The following GPD2 variants were observed in gnomAD, a reference collection of about 807,000 sequenced individuals.
The protein encoded by GPD2 is glycerol-3-phosphate dehydrogenase 2, also known as glycerol-3-phosphate dehydrogenase, mitochondrial.
A neutral mutation model predicts 82.4 loss-of-function variants in GPD2; 54 were observed. The ratio of observed to expected loss-of-function variants is 0.66; its 90% CI spans 0.53 to 0.82. The LOEUF is 0.82. GPD2 is among the 40% of genes least tolerant of loss of function. GPD2 has a pLI of 0.00. For synonymous variants in GPD2, 288 were observed against 306.1 expected, an observed-to-expected ratio of 0.94 and a Z score of 0.62; for missense variants, 748 against 896.2, an observed-to-expected ratio of 0.83 and a Z score of 2.11.
intron 1 of GPD2, among the ~76,000 whole-genome samples, chr2:156,447,710 GCTC>G (rs1682416791): frequency 6.6e-6 from 1 of 152,130 alleles, no homozygotes; most frequent in African/African-American, 2.4e-5. Flanking sequence ...CCATGATTCT[GCTC>G]ATTCTCTTTT....
intron 1 of GPD2, among the ~76,000 whole-genome samples, chr2:156,444,919 T>TA (rs895952409): frequency 5.3e-5 from 8 of 152,026 alleles, no homozygotes; most frequent in Admixed American, 2.0e-4. Flanking sequence ...CTGGCTAATT[T>TA]AAAAAAAATT....
At chr2:156,465,870 G>A (rs907343829) in intron 1 of GPD2, among the ~76,000 whole-genome samples, 4 of 152,092 alleles carry the variant, frequency 2.6e-5, no homozygotes, top group South Asian at 2.1e-4. Flanking sequence ...GTGTTTCATT[G>A]ATAACATTCC....
At chr2:156,436,112 GAGACC>G (rs1242606008), upstream of GPD2, among the ~76,000 whole-genome samples, 2 of 152,216 alleles carry the variant, frequency 1.3e-5, no homozygotes, top group African/African-American at 4.8e-5. Context: ...TTGGGCCACG[GAGACC>G]ACCTCGCTCG....
intron 2 of GPD2, among the ~76,000 whole-genome samples, chr2:156,481,032 T>C (rs1437615944): frequency 2.0e-5 from 3 of 151,952 alleles, no homozygotes; most frequent in Admixed American, 2.0e-4. Flanking sequence ...GTGCCATTCA[T>C]AAGCAACGGA....
chr2:156,429,476 G>T, the GPD2 span, among the ~76,000 whole-genome samples: 1 of 152,174 alleles, frequency 6.6e-6, no homozygotes, highest in Non-Finnish European at 1.5e-5. Context: ...AGTTTTCAGT[G>T]CTACCCTGTC....
chr2:156,494,070 A>G (rs1198687874), intron 2 of GPD2, among the ~76,000 whole-genome samples: 2 of 152,154 alleles, frequency 1.3e-5, no homozygotes, highest in African/African-American at 2.4e-5. Context: ...AAATGTATAT[A>G]AAGGTAAAAA....
chr2:156,436,040 G>T, upstream of GPD2, among the ~76,000 whole-genome samples: 1 of 152,224 alleles, frequency 6.6e-6, no homozygotes, highest in East Asian at 1.9e-4. Context: ...GAGGGCCCTT[G>T]CGTGTGGCGC....
rs556662304 is a variant in GPD2, at chr2:156,500,312, G to T, written c.274+4097G>T. On this transcript the variant is annotated intron_variant, in intron 3 of 16. Transcript: ENST00000438166. ...AGCATTTATAATTAAAATTTATAAAGAGATGGCTGAAGGTAATCTATATTT... is the reference window on the plus strand; with the variant it reads ...AGCATTTATAATTAAAATTTATAAATAGATGGCTGAAGGTAATCTATATTT... Among the ~76,000 whole-genome samples the T allele has an allele frequency of 2.6e-5, 4 of 152,170 alleles. No homozygotes were observed. In the South Asian group the frequency reaches 8.3e-4, roughly 32 times the overall value.
intron 6 of GPD2, among the ~76,000 whole-genome samples, chr2:156,518,930 G>A (rs1685295681): frequency 6.6e-6 from 1 of 152,200 alleles, no homozygotes; most frequent in South Asian, 2.1e-4. Flanking sequence ...GCTTCTTAAT[G>A]CAATTCTTGT....
intron 13 of GPD2, 90 bp from the exon 14 acceptor site, chr2:156,578,799 C>T: frequency 1.2e-6 from 1 of 806,562 alleles, no homozygotes; most frequent in Non-Finnish European, 2.2e-6. Context: ...TAAGGATCAA[C>T]TTCATTTTCT....
upstream of GPD2, among the ~76,000 whole-genome samples, chr2:156,434,466 A>G (rs1198528509): frequency 2.0e-5 from 3 of 151,408 alleles, no homozygotes; most frequent in Non-Finnish European, 4.4e-5. Flanking sequence ...AATAATTTAC[A>G]TAAAAAAACA....
intron 15 of GPD2, 98 bp from the exon 16 acceptor site, chr2:156,579,592 A>G: frequency 1.4e-6 from 1 of 723,878 alleles, no homozygotes; most frequent in Non-Finnish European, 2.5e-6. Context: ...TTGGCCTCCC[A>G]AAGTGCTGGG....
At chr2:156,460,420 G>A (rs1331097519) in intron 1 of GPD2, among the ~76,000 whole-genome samples, 2 of 152,190 alleles carry the variant, frequency 1.3e-5, no homozygotes, top group Non-Finnish European at 2.9e-5. Flanking sequence ...GATAGGCCAG[G>A]CATCCTCAAG....
chr2:156,522,553 T>C (rs1385176187), intron 6 of GPD2, among the ~76,000 whole-genome samples: 5 of 152,166 alleles, frequency 3.3e-5, no homozygotes, highest in Non-Finnish European at 5.9e-5. Context: ...TACTCATTCA[T>C]CCAAAAAATA....
At chr2:156,451,643 T>C (rs1402624825) in intron 1 of GPD2, among the ~76,000 whole-genome samples, 3 of 116,564 alleles carry the variant, frequency 2.6e-5, no homozygotes, top group South Asian at 3.1e-4. Flanking sequence ...TAGGGGCGGC[T>C]GGGCAGAGGC....
chr2:156,468,962 C>T (rs1683235644), intron 1 of GPD2, among the ~76,000 whole-genome samples: 1 of 152,152 alleles, frequency 6.6e-6, no homozygotes, highest in Non-Finnish European at 1.5e-5. Flanking sequence ...CCATCCCCAC[C>T]CCAACCTCAC....
chr2:156,570,241 AT>A, intron 12 of GPD2, 23 bp downstream of exon 12: 2 of 1,602,982 alleles, frequency 1.2e-6, no homozygotes, highest in Non-Finnish European at 1.7e-6. Context: ...TCACATAGGA[AT>A]TTCATGTCTG....
the GPD2 span, among the ~76,000 whole-genome samples, chr2:156,403,362 T>A: frequency 3.3e-5 from 5 of 152,186 alleles, no homozygotes; most frequent in East Asian, 9.7e-4. Context: ...AGCTAGGAGT[T>A]TCTGGGAAAG....
upstream of GPD2, among the ~76,000 whole-genome samples, chr2:156,433,423 G>GC (rs1688341934): frequency 6.6e-6 from 1 of 151,928 alleles, no homozygotes; most frequent in African/African-American, 2.4e-5. Flanking sequence ...TGACCTTGTG[G>GC]CCCTCCACCC....
Sources: gnomAD v4.1 joint callset for allele counts (sites outside exome capture counted in the v4.1 genomes callset) on GRCh38, gnomAD v4.1.1 for gene constraint, MANE v1.5 for transcripts, NCBI Gene and HGNC (gene_info 2026-07-23, HGNC 2026-07-21) for gene names.